SGCE: variants seen among roughly 807,000 people sequenced by gnomAD.
The protein encoded by SGCE is epsilon-sarcoglycan.
A neutral mutation model predicts 57.8 loss-of-function variants in SGCE; 26 were observed. That is an observed-to-expected ratio of 0.45 (90% CI 0.33 to 0.62). The LOEUF (loss-of-function observed/expected upper bound fraction) is 0.62, where lower values mean the gene tolerates loss of function less well. Ranked by LOEUF, SGCE falls within the 20% of genes least tolerant of loss-of-function variation. The pLI is 0.02. For synonymous variants in SGCE, 183 were observed against 189.5 expected (o/e 0.97, Z 0.28); for missense variants, 468 against 548.6 (o/e 0.85, Z 1.47).
chr7:94,651,937 A>AT lies in SGCE; in HGVS notation c.109+4052dup, dbSNP rs200835923. Among the ~76,000 whole-genome samples, 918 of 141,058 alleles carry AT rather than the reference A, an allele frequency of 6.5e-3. 2 individuals carry two copies. The highest frequency in any genetic ancestry group is 0.018 in the Middle Eastern group (5 of 272). 92.5% of individuals were successfully genotyped at this position (141,058 alleles called of 152,430 possible). A position where few individuals can be genotyped will look rare whatever the true frequency, so the allele number is the denominator to read the frequency against. ...AAACATTGGCTTTTTCTTCTTTATT[A>AT]TTTTTTTTTTTTGTTTCTCGTACTG... On this transcript the variant is annotated intron_variant, in intron 1 of 10. Transcript: ENST00000648936.
chr7:94,592,275 C>T (rs145010938), intron 9 of SGCE, among the ~76,000 whole-genome samples: 53 of 152,266 alleles, frequency 3.5e-4, no homozygotes, highest in South Asian at 2.7e-3. Flanking sequence ...GGAAAAAATG[C>T]CTTCAATCCC....
intron 7 of SGCE, 40 bp downstream of exon 7, chr7:94,600,606 G>T: frequency 7.1e-7 from 1 of 1,416,776 alleles, no homozygotes; most frequent in Non-Finnish European, 1.0e-6. Flanking sequence ...TGTTATCTTA[G>T]CAGGATCTCT....
At chr7:94,640,359 A>G (rs1308855036) in intron 1 of SGCE, among the ~76,000 whole-genome samples, 2 of 152,220 alleles carry the variant, frequency 1.3e-5, no homozygotes, top group Non-Finnish European at 2.9e-5. Flanking sequence ...CCCTGGTAAC[A>G]CATACATCAG....
chr7:94,601,654 A>T (rs551599528), intron 6 of SGCE, among the ~76,000 whole-genome samples: 1 of 152,098 alleles, frequency 6.6e-6, no homozygotes, highest in Non-Finnish European at 1.5e-5. Context: ...AGCATTATTC[A>T]GTATCTTCTC....
At chr7:94,607,127 A>G (rs566511142) in intron 5 of SGCE, among the ~76,000 whole-genome samples, 5 of 152,280 alleles carry the variant, frequency 3.3e-5, no homozygotes, top group African/African-American at 1.2e-4. Flanking sequence ...GCACAGGCCT[A>G]TATGTAGTAA....
intron 1 of SGCE, among the ~76,000 whole-genome samples, chr7:94,634,907 T>C (rs1247089568): frequency 6.6e-6 from 1 of 152,152 alleles, no homozygotes; most frequent in African/African-American, 2.4e-5. Context: ...CTGTGAACTG[T>C]CAAATAAAAA....
chr7:94,600,650 C>T lies in SGCE; in HGVS notation c.1033G>A (p.Gly345Ser), dbSNP rs553677309. 2.6e-5 allele frequency: 42 copies of T among 1,611,698 alleles called. 1 individual carries two copies. In the South Asian group the frequency reaches 4.5e-4, roughly 17 times the overall value. The change falls in exon 7 of 11, where the codon GGC (glycine) becomes AGC (serine). Residue 345 changes from glycine to serine, a missense_variant. Transcript: ENST00000648936. ...LAYIMCCRRE[G>S]VEKRNMQTPD... ...TATTAGTTTTAAAGTACTCACACGC[C>T]TTCCCGTCGGCAGCACATGATATAA...
chr7:94,600,157 A>G (rs962688344), intron 7 of SGCE: 4 of 184,760 alleles, frequency 2.2e-5, no homozygotes, highest in African/African-American at 2.4e-5. Flanking sequence ...TTGTTACTCA[A>G]ATTATACCTT....
intron 6 of SGCE, among the ~76,000 whole-genome samples, chr7:94,602,004 T>C (rs1240138501): frequency 2.0e-5 from 3 of 152,292 alleles, no homozygotes; most frequent in Non-Finnish European, 2.9e-5. Context: ...TTTCCACTTA[T>C]AAAGCCTTAA....
chr7:94,588,073 G>A, intron 10 of SGCE: 3 of 1,329,422 alleles, frequency 2.3e-6, no homozygotes, highest in Non-Finnish European at 2.9e-6. Flanking sequence ...TCATGAATAA[G>A]TTATCTACTC....
At chr7:94,613,826 G>C (rs1480961424) in intron 5 of SGCE, among the ~76,000 whole-genome samples, 1 of 152,058 alleles carries the variant, frequency 6.6e-6, no homozygotes, top group African/African-American at 2.4e-5. Flanking sequence ...TGTTGCCTGG[G>C]AAATGTTGAG....
intron 1 of SGCE, among the ~76,000 whole-genome samples, chr7:94,652,003 A>G (rs768047775): frequency 5.9e-5 from 9 of 151,990 alleles, no homozygotes; most frequent in Non-Finnish European, 1.2e-4. Context: ...GGGAGATAAC[A>G]GACTGGAGAA....
At chr7:94,596,443 C>T (rs371846043) in intron 9 of SGCE, among the ~76,000 whole-genome samples, 1 of 152,056 alleles carries the variant, frequency 6.6e-6, no homozygotes, top group South Asian at 2.1e-4. Context: ...AACTAGTTTT[C>T]TACTCTAAAA....
At chr7:94,626,049 T>A (rs1803669991) in intron 3 of SGCE, 1 of 152,150 alleles carries the variant, frequency 6.6e-6, no homozygotes, top group Non-Finnish European at 1.5e-5. Flanking sequence ...TTCATTGTGA[T>A]CTCCATCTGA....
At chr7:94,639,048 G>T (rs1480542039) in intron 1 of SGCE, among the ~76,000 whole-genome samples, 2 of 152,084 alleles carry the variant, frequency 1.3e-5, no homozygotes, top group Non-Finnish European at 2.9e-5. Context: ...TTTTATAAGT[G>T]GCAAGCTAGT....
chr7:94,614,449 A>G (rs1014121029), intron 5 of SGCE, among the ~76,000 whole-genome samples: 2 of 152,216 alleles, frequency 1.3e-5, no homozygotes, highest in African/African-American at 4.8e-5. Flanking sequence ...AACTTTTCCC[A>G]GAAGACAACG....
Position 94,585,416 on chromosome 7 carries a change from G to T in SGCE, c.*83C>A. ...CATAACATATGCCAGAAAAGCTCAT[G>T]CATTATTGGAAGAGAAAAGAAATGT... is the stretch of plus-strand genomic sequence containing the variant. On this transcript the variant is annotated 3_prime_UTR_variant, in exon 11 of 11. Coordinates refer to ENST00000648936, the MANE Select transcript of SGCE (RefSeq NM_003919.3). 1 of 1,209,274 alleles carries T rather than the reference G, an allele frequency of 8.3e-7. No homozygotes were observed. The highest frequency in any genetic ancestry group is 1.2e-6 in the Non-Finnish European group (1 of 811,344). 74.9% of individuals were successfully genotyped at this position (1,209,274 alleles called of 1,614,324 possible). A position where few individuals can be genotyped will look rare whatever the true frequency, so the allele number is the denominator to read the frequency against.
rs371565547 is a variant in SGCE at position 94,645,147 on chromosome 7, C to G, written c.109+10843G>C. ...TGCAAAGTCTATGTCATGAACACAT[C>G]AATACTACCCCCAAATACAGTCATG... On this transcript the variant is annotated intron_variant, in intron 1 of 10. Coordinates refer to ENST00000648936, the MANE Select transcript of SGCE (RefSeq NM_003919.3). Among the ~76,000 whole-genome samples the G allele has an allele frequency of 3.9e-5, 6 of 152,176 alleles. No homozygotes were observed. The East Asian group carries it at 7.7e-4, about 20-fold the overall frequency.
intron 5 of SGCE, among the ~76,000 whole-genome samples, chr7:94,607,769 G>A (rs549189185): frequency 6.6e-6 from 1 of 152,116 alleles, no homozygotes; most frequent in Non-Finnish European, 1.5e-5. Flanking sequence ...CATACTGGAA[G>A]TCCTAACTAA....
Sources: gnomAD v4.1 joint callset for allele counts (sites outside exome capture counted in the v4.1 genomes callset) on GRCh38, gnomAD v4.1.1 for gene constraint, MANE v1.5 for transcripts, NCBI Gene and HGNC (gene_info 2026-07-23, HGNC 2026-07-21) for gene names.